MAP9: variants seen among roughly 807,000 people sequenced by gnomAD.
MAP9 encodes the protein microtubule-associated protein 9.
A neutral mutation model predicts 75.2 loss-of-function variants in MAP9; 80 were observed. The observed-to-expected ratio is 1.06, with a 90% CI of 0.89 to 1.28. The LOEUF is 1.28. Ranked by LOEUF, MAP9 falls within the 50% of genes most tolerant of loss-of-function variation. The probability of loss-of-function intolerance (pLI) is 0.00; values close to 1 mark genes in which losing one functional copy is unlikely to be tolerated. For synonymous variants in MAP9, 235 were observed against 237.3 expected, an observed-to-expected ratio of 0.99 and a Z score of 0.09; for missense variants, 753 against 719.9, an observed-to-expected ratio of 1.05 and a Z score of -0.53.
chr4:155,343,353 CTAAT>C lies in MAP9; in HGVS notation c.*4426_*4429del, dbSNP rs1731179322. The C allele has an allele frequency of 6.6e-6, 1 of 151,594 alleles. No individual in the cohort carries two copies. 9.4% of individuals were successfully genotyped at this position (151,594 alleles called of 1,614,324 possible). ...GCTACAGGAGAAAGTACACTAGAAA[CTAAT>C]TAACAGGAAGAGTACAAAATAATAT... On this transcript the variant is annotated 3_prime_UTR_variant, in exon 14 of 14. Transcript: ENST00000311277.
At chr4:155,369,024 C>T (rs182857423) in intron 4 of MAP9, among the ~76,000 whole-genome samples, 51 of 152,182 alleles carry the variant, frequency 3.4e-4, no homozygotes, top group African/African-American at 1.2e-3. Context: ...CGGTGGCTCA[C>T]GCCTGTGATC....
chr4:155,360,386 T>A lies in MAP9; in HGVS notation c.832A>T (p.Asn278Tyr). Residue 278 changes from asparagine (N) to tyrosine (Y), a missense_variant, in exon 7 of 14, where the codon AAT becomes TAT. Physicochemically the swap from Asn to Tyr is moderately radical, Grantham distance 143. Coordinates refer to ENST00000311277, the MANE Select transcript of MAP9 (RefSeq NM_001039580.2). ...DPNEEITENHNSLKSDENKEN... is the reference protein window; with the variant it reads ...DPNEEITENHYSLKSDENKEN... ...TTATTTTCATCTGATTTCAAGGAAT[T>A]ATGGTTTTCAGTGATTTCTTCATTT... The A allele has an allele frequency of 6.2e-7, 1 of 1,611,722 alleles. No individual in the cohort carries two copies. The highest frequency in any genetic ancestry group is 8.5e-7 in the Non-Finnish European group (1 of 1,178,696).
At chr4:155,370,519 T>C (rs747805324) in intron 4 of MAP9, among the ~76,000 whole-genome samples, 1 of 152,162 alleles carries the variant, frequency 6.6e-6, no homozygotes, top group Non-Finnish European at 1.5e-5. Context: ...CTACCATACC[T>C]TTACCTAAGC....
intron 5 of MAP9, among the ~76,000 whole-genome samples, chr4:155,365,236 A>G (rs1732271814): frequency 6.6e-6 from 1 of 152,128 alleles, no homozygotes; most frequent in African/African-American, 2.4e-5. Context: ...TGTCATAAGA[A>G]AGCTGAAGTA....
rs1731267652 is a variant in MAP9, at chr4:155,345,908, A to G, written c.*1875T>C. ...CTAATACAATAAACACTTTTAATCT[A>G]TTTTGGCAGGCACTGTTTTTGGTAC... On this transcript the variant is annotated 3_prime_UTR_variant, in exon 14 of 14. Transcript: ENST00000311277. The G allele has an allele frequency of 6.6e-6, 1 of 152,096 alleles. No homozygotes were observed. The highest frequency in any genetic ancestry group is 2.4e-5 in the African/African-American group (1 of 41,430). 9.4% of individuals were successfully genotyped at this position (152,096 alleles called of 1,614,324 possible).
chr4:155,355,732 C>G lies in MAP9; in HGVS notation c.1274G>C (p.Arg425Thr), dbSNP rs751139940. Reference sequence around the variant, plus strand: ...CTTTTTTACCTGATAAACAGCTGCCCTTATGTTATCTGCTCTATCAGGTTC... The same window carrying G: ...CTTTTTTACCTGATAAACAGCTGCCGTTATGTTATCTGCTCTATCAGGTTC... ...SIEPDRADNI[R>T]AAVYQEWLEK... is the part of the protein sequence containing the mutation. Residue 425 changes from arginine (R) to threonine (T), a missense_variant, in exon 9 of 14, where the codon AGG becomes ACG. Coordinates refer to ENST00000311277, the MANE Select transcript of MAP9 (RefSeq NM_001039580.2). 8 of 1,609,338 alleles carry G rather than the reference C, an allele frequency of 5.0e-6. No homozygotes were observed. Among genetic ancestry groups the G allele is most frequent in the Non-Finnish European group, 6.8e-6 (8 of 1,178,712 alleles).
chr4:155,355,942 G>T, intron 8 of MAP9, 58 bp from the exon 9 acceptor site: 1 of 1,438,130 alleles, frequency 7.0e-7, no homozygotes, highest in Non-Finnish European at 9.6e-7. Flanking sequence ...GTAGAAGAGA[G>T]ATCTGTTAGA....
At position 155,373,237 on chromosome 4, in the gene MAP9, T is replaced by G; in HGVS notation, c.380A>C (p.Lys127Thr). ...APDGCEDIVV[K>T]SFSESQNKDE... ...CTTATTTTGAGATTCAGAGAAAGAT[T>G]TTACAACAATGTCTTCACACCCATC... The change falls in exon 4 of 14, where the codon AAA becomes ACA. Residue 127 changes from lysine (K) to threonine (T), a missense_variant. By Grantham distance (78) the Lys-to-Thr change is moderately conservative. Coordinates refer to ENST00000311277, the MANE Select transcript of MAP9 (RefSeq NM_001039580.2). 1 of 1,611,782 alleles carries G rather than the reference T, an allele frequency of 6.2e-7. No individual in the cohort carries two copies. Among genetic ancestry groups the G allele is most frequent in the Non-Finnish European group, 8.5e-7 (1 of 1,178,986 alleles).
intron 13 of MAP9, 124 bp from the exon 14 acceptor site, chr4:155,348,029 C>G (rs916383742): frequency 9.3e-6 from 6 of 648,326 alleles, no homozygotes; most frequent in African/African-American, 1.9e-5. Flanking sequence ...CCTAGTTTAA[C>G]AGATCATAAA....
At chr4:155,350,534 T>A (rs1731466732) in intron 13 of MAP9, among the ~76,000 whole-genome samples, 1 of 152,022 alleles carries the variant, frequency 6.6e-6, no homozygotes, top group Non-Finnish European at 1.5e-5. Context: ...ACATTTAATT[T>A]CCCTAATTGA....
rs760279186 is a variant in MAP9, at chr4:155,375,035, C to T, written c.76-14G>A. 1 of 1,536,640 alleles carries T rather than the reference C, an allele frequency of 6.5e-7. No individual in the cohort carries two copies. The highest frequency in any genetic ancestry group is 1.2e-5 in the South Asian group (1 of 83,940). ...TATTAGCTCATCCTGAAATGAGATACTGAAATCAATTTCCATCCAAACATG... is the reference window on the plus strand; with the variant it reads ...TATTAGCTCATCCTGAAATGAGATATTGAAATCAATTTCCATCCAAACATG... On this transcript the variant is annotated splice_polypyrimidine_tract_variant and intron_variant, in intron 2 of 13. Transcript: ENST00000311277.
rs1731178054 is a variant in MAP9, at chr4:155,343,310, T to C, written c.*4473A>G. On this transcript the variant is annotated 3_prime_UTR_variant, in exon 14 of 14. Transcript: ENST00000311277. The stretch of plus-strand genomic sequence containing the variant: ...GGAGGGAGGAACTATCTCTTCCTTT[T>C]TTCTCAGCTTAATTTCAGCTACAGG... 6.6e-6 allele frequency: 1 copy of C among 151,656 alleles called. No individual in the cohort carries two copies. Among genetic ancestry groups the C allele is most frequent in the African/African-American group, 2.4e-5 (1 of 41,394 alleles). 9.4% of individuals were successfully genotyped at this position (151,656 alleles called of 1,614,324 possible).
chr4:155,356,396 G>A (rs2111215710), intron 8 of MAP9, among the ~76,000 whole-genome samples: 1 of 152,030 alleles, frequency 6.6e-6, no homozygotes, highest in East Asian at 1.9e-4. Flanking sequence ...ACTTAAATAT[G>A]TCCCCTTCAA....
chr4:155,349,909 T>G (rs1308585041), intron 13 of MAP9: 1 of 160,918 alleles, frequency 6.2e-6, no homozygotes, highest in Admixed American at 6.4e-5. Flanking sequence ...AAATAGACAA[T>G]TATATTAACT....
Position 155,362,149 on chromosome 4 carries a change from C to T in MAP9, c.709-8G>A, listed in dbSNP as rs1732113156. On this transcript the variant is annotated splice_polypyrimidine_tract_variant and splice_region_variant and intron_variant, in intron 5 of 13. Transcript: ENST00000311277. ...ACTTGTTAAGCATGAATCCTGTTTT[C>T]GCAAAAAAAAATACATTTGCCACAT... 6 of 1,500,530 alleles carry T rather than the reference C, an allele frequency of 4.0e-6. No individual in the cohort carries two copies. Among genetic ancestry groups the T allele is most frequent in the African/African-American group, 1.4e-5 (1 of 69,870 alleles). 93.0% of individuals were successfully genotyped at this position (1,500,530 alleles called of 1,614,324 possible).
chr4:155,373,101 C>G (rs751727017), intron 4 of MAP9, 35 bp downstream of exon 4: 1 of 1,378,658 alleles, frequency 7.3e-7, no homozygotes, highest in East Asian at 2.4e-5. Flanking sequence ...AATAAACTTC[C>G]AAGAAATGCA....
In MAP9 at chr4:155,368,764, C is replaced by G. The variant is rs775805737; in HGVS notation, c.530G>C (p.Arg177Pro). ...DTDDHFKPSP[R>P]PRSMLKKKSH... ...TTTCTTTTTCAACATACTCCTTGGC[C>G]GAGGTGATGGTTTAAAGTGATCATC... The change falls in exon 5 of 14, where the codon CGG (arginine) becomes CCG (proline). Residue 177 changes from arginine to proline, a missense_variant. Coordinates refer to ENST00000311277, the MANE Select transcript of MAP9 (RefSeq NM_001039580.2). The G allele has an allele frequency of 1.9e-6, 3 of 1,613,728 alleles. No homozygotes were observed. The highest frequency in any genetic ancestry group is 1.3e-5 in the African/African-American group (1 of 74,850).
At chr4:155,349,312 T>A (rs62327501) in intron 13 of MAP9, 1 of 123,182 alleles carries the variant, frequency 8.1e-6, no homozygotes, top group Non-Finnish European at 1.9e-5. Flanking sequence ...AGGTGTCCCT[T>A]TATGTCTCTG....
Position 155,355,711 on chromosome 4 carries a change from T to C in MAP9, c.1290+5A>G. 2 of 1,599,828 alleles carry C rather than the reference T, an allele frequency of 1.3e-6. No homozygotes were observed. Among genetic ancestry groups the C allele is most frequent in the African/African-American group, 1.4e-5 (1 of 73,868 alleles). On this transcript the variant is annotated splice_donor_5th_base_variant and intron_variant, in intron 9 of 13. Coordinates refer to ENST00000311277, the MANE Select transcript of MAP9 (RefSeq NM_001039580.2). ...TCTTCTCTTAAAAATATTTTCCTTT[T>C]TTACCTGATAAACAGCTGCCCTTAT...
Sources: gnomAD v4.1 joint callset for allele counts (sites outside exome capture counted in the v4.1 genomes callset) on GRCh38, gnomAD v4.1.1 for gene constraint, MANE v1.5 for transcripts, NCBI Gene and HGNC (gene_info 2026-07-23, HGNC 2026-07-21) for gene names.